Variants in SNRPD3 observed in about 807,000 individuals in gnomAD.
The protein encoded by SNRPD3 is small nuclear ribonucleoprotein D3 polypeptide, also known as small nuclear ribonucleoprotein Sm D3.
For missense variants in SNRPD3, 73 were observed against 167.5 expected, an observed-to-expected ratio of 0.44 and a Z score of 3.11; for synonymous variants, 66 against 58.4, an observed-to-expected ratio of 1.13 and a Z score of -0.59.
chr22:24,569,627 G>C (rs2147130438), intron 3 of SNRPD3, among the ~76,000 whole-genome samples: 1 of 152,248 alleles, frequency 6.6e-6, no homozygotes, highest in East Asian at 1.9e-4. Flanking sequence ...TGAGGGCTCG[G>C]TCCCACAAGA....
intron 3 of SNRPD3, among the ~76,000 whole-genome samples, chr22:24,569,851 G>A (rs1395619072): frequency 6.6e-6 from 1 of 152,244 alleles, no homozygotes; most frequent in Non-Finnish European, 1.5e-5. Context: ...TGCATAGGGT[G>A]AGATCTGGAA....
chr22:24,564,698 G>A (rs1390476639), intron 2 of SNRPD3, among the ~76,000 whole-genome samples: 2 of 152,166 alleles, frequency 1.3e-5, no homozygotes, highest in African/African-American at 2.4e-5. Context: ...ATTAAGTCTT[G>A]TCGGACTTAT....
intron 3 of SNRPD3, 138 bp from the exon 4 acceptor site, chr22:24,571,778 A>T: frequency 1.3e-6 from 1 of 741,464 alleles, no homozygotes; most frequent in African/African-American, 1.8e-5. Context: ...GGAGGTGGAA[A>T]TGCAATGGCC....
chr22:24,569,605 A>C (rs1385202966), intron 3 of SNRPD3, among the ~76,000 whole-genome samples: 1 of 152,118 alleles, frequency 6.6e-6, no homozygotes, highest in Non-Finnish European at 1.5e-5. Context: ...GATAGCCTGA[A>C]AAACCACAGG....
At chr22:24,555,972 A>G, upstream of SNRPD3, 1 of 817,982 alleles carries the variant, frequency 1.2e-6, no homozygotes. Flanking sequence ...TTTGGGAAAG[A>G]GTGGAATTCT....
At chr22:24,571,789 AG>A in intron 3 of SNRPD3, 126 bp from the exon 4 acceptor site, 2 of 791,960 alleles carry the variant, frequency 2.5e-6, no homozygotes, top group Non-Finnish European at 4.2e-6. Context: ...TGCAATGGCC[AG>A]GGTGGTGTTG....
rs1297173002 is a variant in SNRPD3, at chr22:24,557,959, G to A, written c.126+159G>A. On this transcript the variant is annotated intron_variant, in intron 2 of 3. Transcript: ENST00000215829. ...TCAGGTGCTGTTATAGGCTCTGGGG[G>A]TGTGGGCATGAACGAGACACATAAT... The A allele has an allele frequency of 1.2e-5, 7 of 587,398 alleles. No homozygotes were observed. The Admixed American group carries it at 2.0e-4, about 17-fold the overall frequency. The allele number at this position is 587,398 out of a possible 1,614,324, so 36.4% of individuals were successfully genotyped here.
Position 24,572,124 on chromosome 22 carries a change from G to A in SNRPD3, c.*147G>A, listed in dbSNP as rs1165413005. 6.9e-6 allele frequency: 10 copies of A among 1,445,610 alleles called. No individual in the cohort carries two copies. Among genetic ancestry groups the A allele is most frequent in the South Asian group, 5.0e-5 (4 of 80,422 alleles). 89.5% of individuals were successfully genotyped at this position (1,445,610 alleles called of 1,614,324 possible). A position where few individuals can be genotyped will look rare whatever the true frequency, so the allele number is the denominator to read the frequency against. ...TGTTTAAGCTAAATAAATCTGGGGG[G>A]TTTTTTGTTCTGTTTTGTTTTGTTT... On this transcript the variant is annotated 3_prime_UTR_variant, in exon 4 of 4. Transcript: ENST00000215829.
rs2045277327 is a variant in SNRPD3 at position 24,574,900 on chromosome 22, C to T, written c.*2923C>T. 6.6e-6 allele frequency among the ~76,000 whole-genome samples: 1 copy of T among 152,124 alleles called. No individual in the cohort carries two copies. The highest frequency in any genetic ancestry group is 6.6e-5 in the Admixed American group (1 of 15,266). ...AATTTACTTCCTCTCACCCATCTCC[C>T]TGATATTGTAATTCTGGTTAGATCA... On this transcript the variant is annotated 3_prime_UTR_variant, in exon 4 of 4. Transcript: ENST00000215829.
chr22:24,574,594 G>T lies in SNRPD3; in HGVS notation c.*2617G>T, dbSNP rs2045274621. 6.6e-6 allele frequency among the ~76,000 whole-genome samples: 1 copy of T among 152,194 alleles called. No individual in the cohort carries two copies. Among genetic ancestry groups the T allele is most frequent in the South Asian group, 2.1e-4 (1 of 4,820 alleles). On this transcript the variant is annotated 3_prime_UTR_variant, in exon 4 of 4. Coordinates refer to ENST00000215829, the MANE Select transcript of SNRPD3 (RefSeq NM_004175.5). ...GTCTCACTCTTCCCCAGGCGGGAGT[G>T]CAATGGCACAATCATGGCTCACTGC...
chr22:24,572,055 A>G lies in SNRPD3; in HGVS notation c.*78A>G, dbSNP rs2147133086. On this transcript the variant is annotated 3_prime_UTR_variant, in exon 4 of 4. Transcript: ENST00000215829. ...CATTGGAGTGGGTGCTTGTGCATAT[A>G]TGCTAGGTATCTTTTGCCATCTTTC... 1 of 1,592,384 alleles carries G rather than the reference A, an allele frequency of 6.3e-7. No individual in the cohort carries two copies. The highest frequency in any genetic ancestry group is 8.6e-7 in the Non-Finnish European group (1 of 1,168,894).
chr22:24,565,672 G>GT (rs1270202200), intron 2 of SNRPD3, among the ~76,000 whole-genome samples: 3 of 152,050 alleles, frequency 2.0e-5, no homozygotes, highest in East Asian at 1.9e-4. Context: ...TTTGTTTTTT[G>GT]TTTTTTGAGA....
chr22:24,574,194 C>T lies in SNRPD3; in HGVS notation c.*2217C>T, dbSNP rs936549119. ...ACTGCATCCTCGATATCAAAAGCGACTTTTGATGTAGTTCACTCTGGACCC... is the reference window on the plus strand; with the variant it reads ...ACTGCATCCTCGATATCAAAAGCGATTTTTGATGTAGTTCACTCTGGACCC... On this transcript the variant is annotated 3_prime_UTR_variant, in exon 4 of 4. Transcript: ENST00000215829. Among the ~76,000 whole-genome samples, 6 of 152,182 alleles carry T rather than the reference C, an allele frequency of 3.9e-5. No homozygotes were observed. The highest frequency in any genetic ancestry group is 8.8e-5 in the Non-Finnish European group (6 of 68,034).
Position 24,557,723 on chromosome 22 carries a change from A to G in SNRPD3, c.49A>G (p.Ile17Val). 1.2e-6 allele frequency: 2 copies of G among 1,613,136 alleles called. No individual in the cohort carries two copies. Among genetic ancestry groups the G allele is most frequent in the African/African-American group, 1.3e-5 (1 of 75,032 alleles). The change falls in exon 2 of 4, where the codon ATT becomes GTT. Residue 17 changes from isoleucine (I) to valine (V), a missense_variant. By Grantham distance (29) the Ile-to-Val change is conservative (BLOSUM62 3). Transcript: ENST00000215829. ...AGTACTGCATGAGGCCGAGGGCCAC[A>G]TTGTGACATGTGAGACGAACACCGG... ...IKVLHEAEGH[I>V]VTCETNTGEV...
upstream of SNRPD3, chr22:24,555,893 A>C: frequency 1.3e-6 from 2 of 1,498,776 alleles, no homozygotes; most frequent in Non-Finnish European, 1.8e-6. Flanking sequence ...AGGCGGAGTG[A>C]GGAGGAAGCG....
At chr22:24,571,767 G>A (rs2045252384) in intron 3 of SNRPD3, 149 bp from the exon 4 acceptor site, 6 of 684,022 alleles carry the variant, frequency 8.8e-6, no homozygotes, top group Admixed American at 5.8e-5. Flanking sequence ...AAAAAAAGGC[G>A]GGAGGTGGAA....
At chr22:24,560,715 CTTTTT>C (rs59348518) in intron 2 of SNRPD3, among the ~76,000 whole-genome samples, 11,657 of 98,720 alleles carry the variant, frequency 0.12, 3,158 homozygotes, top group South Asian at 0.18. Flanking sequence ...TGCACCTGGC[CTTTTT>C]TTTTTTTTTT....
upstream of SNRPD3, chr22:24,555,650 G>A: frequency 1.2e-5 from 19 of 1,550,658 alleles, no homozygotes; most frequent in Non-Finnish European, 1.7e-5. Context: ...AAATTGTGAC[G>A]GGAAGTCCTG....
intron 3 of SNRPD3, among the ~76,000 whole-genome samples, chr22:24,569,043 T>C (rs962584556): frequency 6.6e-6 from 1 of 151,780 alleles, no homozygotes; most frequent in African/African-American, 2.4e-5. Context: ...GTGTGAGAGG[T>C]GTGGGATCGC....
Sources: allele counts gnomAD v4.1 joint callset (sites outside exome capture counted in the v4.1 genomes callset), GRCh38; gene constraint gnomAD v4.1.1; transcripts MANE v1.5; gene names NCBI Gene and HGNC (gene_info 2026-07-23, HGNC 2026-07-21).